DMD: variants seen among roughly 807,000 people sequenced by gnomAD.
DMD encodes dystrophin.
A neutral mutation model predicts 330.1 loss-of-function variants in DMD; 63 were observed. That is an observed-to-expected ratio of 0.19 (90% CI 0.16 to 0.24). The LOEUF (loss-of-function observed/expected upper bound fraction) is 0.24, where lower values mean the gene tolerates loss of function less well. Ranked by LOEUF, DMD falls within the 10% of genes least tolerant of loss-of-function variation. DMD has a pLI of 1.00. For synonymous variants in DMD, 1,223 were observed against 959.8 expected, an observed-to-expected ratio of 1.27 and a Z score of -5.07; for missense variants, 3,344 against 2,684.1, an observed-to-expected ratio of 1.25 and a Z score of -5.43.
chrX:31,761,635 T>C (rs943248663), intron 51 of DMD, among the ~76,000 whole-genome samples: 41 of 112,221 alleles, frequency 3.7e-4, no homozygotes, highest in African/African-American at 1.1e-3. Flanking sequence ...ATATTGATGC[T>C]AACGGACATG....
At chrX:31,178,432 G>GTTTTTT in intron 70 of DMD, 1 of 802,142 alleles carries the variant, frequency 1.2e-6, no homozygotes, top group Non-Finnish European at 1.5e-6. Context: ...TTGTGTTGTG[G>GTTTTTT]TTTTTTTTTT....
At chrX:32,715,115 C>T (rs942329465) in intron 7 of DMD, among the ~76,000 whole-genome samples, 2 of 111,349 alleles carry the variant, frequency 1.8e-5, no homozygotes, top group East Asian at 2.8e-4. Flanking sequence ...CCTTCCACCC[C>T]CAACCTGGTA....
chrX:32,341,927 T>A (rs893841825), intron 41 of DMD, among the ~76,000 whole-genome samples, 173 bp downstream of exon 41: 1 of 111,371 alleles, frequency 9.0e-6, no homozygotes, highest in African/African-American at 3.3e-5. Flanking sequence ...TTGGCAAAAT[T>A]AAGCACTAGT....
At chrX:31,197,446 A>T (rs188322450) in intron 67 of DMD, among the ~76,000 whole-genome samples, 163 of 112,554 alleles carry the variant, frequency 1.4e-3, no homozygotes, top group Non-Finnish European at 2.5e-3. Context: ...TTTCTAACAC[A>T]GAGAAATACT....
Position 31,679,680 on chromosome X carries a change from T to C in DMD, c.7661-94A>G, listed in dbSNP as rs1422846678. The C allele has an allele frequency of 1.0e-5, 8 of 769,466 alleles. No homozygotes were observed. The East Asian group carries it at 2.4e-4, about 23-fold the overall frequency. The allele number at this position is 769,466 out of a possible 1,213,427, so 63.4% of individuals were successfully genotyped here. A position where few individuals can be genotyped will look rare whatever the true frequency, so the allele number is the denominator to read the frequency against. Reference sequence around the variant, plus strand: ...TTCCAAACGTTATCTCACATTTATGTTGCTTATTTAAAAAATTATTCATTG... The same window carrying C: ...TTCCAAACGTTATCTCACATTTATGCTGCTTATTTAAAAAATTATTCATTG... On this transcript the variant is annotated intron_variant, in intron 52 of 78. Coordinates refer to ENST00000357033, the MANE Select transcript of DMD (RefSeq NM_004006.3).
At chrX:31,394,304 C>T (rs2060814265) in intron 60 of DMD, among the ~76,000 whole-genome samples, 1 of 112,437 alleles carries the variant, frequency 8.9e-6, no homozygotes, top group Non-Finnish European at 1.9e-5. Context: ...GCTCTGTTCT[C>T]TTTGGAGAAA....
At chrX:31,671,526 T>C (rs1391747712) in intron 53 of DMD, among the ~76,000 whole-genome samples, 1 of 112,383 alleles carries the variant, frequency 8.9e-6, no homozygotes, top group Non-Finnish European at 1.9e-5. Context: ...TGTGATATCT[T>C]TGTCTGGTTA....
At chrX:31,552,605 G>A (rs1031665083) in intron 55 of DMD, among the ~76,000 whole-genome samples, 1 of 111,529 alleles carries the variant, frequency 9.0e-6, no homozygotes, top group Non-Finnish European at 1.9e-5. Flanking sequence ...CCAGCACAGT[G>A]CCTGCTCCTC....
chrX:32,012,715 GGC>G (rs1038840908), intron 44 of DMD, among the ~76,000 whole-genome samples: 1 of 110,818 alleles, frequency 9.0e-6, no homozygotes, highest in African/African-American at 3.3e-5. Context: ...TAGGACACAG[GGC>G]AGTTCATTTA....
At chrX:32,514,788 A>C (rs962823953) in intron 18 of DMD, among the ~76,000 whole-genome samples, 1 of 112,672 alleles carries the variant, frequency 8.9e-6, no homozygotes, top group African/African-American at 3.2e-5. Context: ...CAATGACAAC[A>C]TCTACATACA....
intron 44 of DMD, among the ~76,000 whole-genome samples, chrX:32,119,963 G>A (rs1466284836): frequency 8.9e-6 from 1 of 111,769 alleles, no homozygotes; most frequent in Non-Finnish European, 1.9e-5. Flanking sequence ...ACCTCAACTA[G>A]GAGCTGGTTG....
intron 7 of DMD, among the ~76,000 whole-genome samples, chrX:32,804,010 T>G (rs760941523): frequency 1.8e-5 from 2 of 111,724 alleles, no homozygotes; most frequent in African/African-American, 6.5e-5. Flanking sequence ...GAATATCCTT[T>G]TTAATTTTCT....
chrX:31,556,653 A>T (rs1406265955), intron 55 of DMD, among the ~76,000 whole-genome samples: 1 of 111,387 alleles, frequency 9.0e-6, no homozygotes, highest in African/African-American at 3.3e-5. Flanking sequence ...CAAGCATCAT[A>T]TTCTGATGAC....
At chrX:31,296,511 C>T (rs2054198002) in intron 62 of DMD, among the ~76,000 whole-genome samples, 1 of 111,635 alleles carries the variant, frequency 9.0e-6, no homozygotes, top group Non-Finnish European at 1.9e-5. Context: ...CCTGAGGAAA[C>T]GTGCTTACTG....
At chrX:31,191,402 C>T (rs1439865040) in intron 67 of DMD, among the ~76,000 whole-genome samples, 1 of 111,795 alleles carries the variant, frequency 8.9e-6, no homozygotes, top group Admixed American at 9.5e-5. Context: ...TCCTTTGTGG[C>T]TGATATGGTT....
chrX:32,541,061 G>A (rs190086982), intron 17 of DMD, among the ~76,000 whole-genome samples: 241 of 111,461 alleles, frequency 2.2e-3, no homozygotes, highest in Middle Eastern at 9.3e-3. Flanking sequence ...CGGAAATGAT[G>A]GCACTTGCCC....
At chrX:31,984,685 G>A (rs1443735961) in intron 44 of DMD, among the ~76,000 whole-genome samples, 1 of 112,264 alleles carries the variant, frequency 8.9e-6, no homozygotes, top group Non-Finnish European at 1.9e-5. Flanking sequence ...AAGAGGGGAA[G>A]TTTAGTTTTA....
At chrX:32,095,807 T>C (rs1479975371) in intron 44 of DMD, among the ~76,000 whole-genome samples, 1 of 112,044 alleles carries the variant, frequency 8.9e-6, no homozygotes, top group African/African-American at 3.2e-5. Context: ...TTATTAATCA[T>C]GACAACTGTA....
At chrX:33,080,722 T>A (rs2094914790) in intron 1 of DMD, among the ~76,000 whole-genome samples, 1 of 111,119 alleles carries the variant, frequency 9.0e-6, no homozygotes, top group Non-Finnish European at 1.9e-5. Context: ...ATTGAACAAT[T>A]TTCCAAAGTC....
Sources: gnomAD v4.1 joint callset for allele counts (sites outside exome capture counted in the v4.1 genomes callset) on GRCh38, gnomAD v4.1.1 for gene constraint, MANE v1.5 for transcripts, NCBI Gene and HGNC (gene_info 2026-07-23, HGNC 2026-07-21) for gene names.